Variants in HMGCL observed in about 807,000 individuals in gnomAD.
HMGCL encodes 3-hydroxy-3-methylglutaryl-CoA lyase, also known as hydroxymethylglutaryl-CoA lyase, mitochondrial.
Under a neutral mutation model 37.3 loss-of-function variants are expected in HMGCL, and 26 were observed. The ratio of observed to expected loss-of-function variants is 0.70; its 90% CI spans 0.51 to 0.97. The LOEUF (loss-of-function observed/expected upper bound fraction) is 0.97, where lower values mean the gene tolerates loss of function less well. Among genes scored for constraint, HMGCL ranks in the 50% least tolerant of loss-of-function variants. The probability of loss-of-function intolerance (pLI) is 0.00; values close to 1 mark genes in which losing one functional copy is unlikely to be tolerated. For synonymous variants in HMGCL, 151 were observed against 148.0 expected, an observed-to-expected ratio of 1.02 and a Z score of -0.15; for missense variants, 379 against 398.1, an observed-to-expected ratio of 0.95 and a Z score of 0.41.
At position 23,808,189 on chromosome 1, in the gene HMGCL, G is replaced by A; in HGVS notation, c.696C>T (p.Val232=). The A allele has an allele frequency of 6.2e-7, 1 of 1,614,100 alleles. No individual in the cohort carries two copies. The highest frequency in any genetic ancestry group is 8.5e-7 in the Non-Finnish European group (1 of 1,180,020). Residue 232 remains valine, a synonymous_variant, in exon 7 of 9, where the codon GTC becomes GTT. Transcript: ENST00000374490. ...CTTGACCATAGGTGTCATGGCAGTG[G>A]ACAGCCAGGGCAGCCAGAGGCACTT... ...MQEVPLAALA[V]HCHDTYGQAL... is the part of the protein sequence containing the mutation.
rs955224078 is a variant in HMGCL, at chr1:23,816,437, T to C, written c.348+238A>G. ...CTTGCTAAGCAATGTACATGCATCCTATCTTCTGAAATGCTCACAACTTCA... is the reference window on the plus strand; with the variant it reads ...CTTGCTAAGCAATGTACATGCATCCCATCTTCTGAAATGCTCACAACTTCA... On this transcript the variant is annotated intron_variant, in intron 4 of 8. Coordinates refer to ENST00000374490, the MANE Select transcript of HMGCL (RefSeq NM_000191.3). 21 of 576,436 alleles carry C rather than the reference T, an allele frequency of 3.6e-5. No individual in the cohort carries two copies. The Admixed American group carries it at 5.4e-4, about 15-fold the overall frequency. 35.7% of individuals were successfully genotyped at this position (576,436 alleles called of 1,614,324 possible). A position where few individuals can be genotyped will look rare whatever the true frequency, so the allele number is the denominator to read the frequency against.
chr1:23,802,306 C>G lies in HMGCL; in HGVS notation c.*157G>C. On this transcript the variant is annotated 3_prime_UTR_variant, in exon 9 of 9. Transcript: ENST00000374490. ...CTTCTGCCAAGCAGCTCCTCCTGCC[C>G]TTCGCCTGCTTTCTGCCAGGAGAGA... The G allele has an allele frequency of 1.5e-6, 1 of 672,976 alleles. No individual in the cohort carries two copies. Among genetic ancestry groups the G allele is most frequent in the Non-Finnish European group, 2.7e-6 (1 of 370,788 alleles). 41.7% of individuals were successfully genotyped at this position (672,976 alleles called of 1,614,324 possible).
intron 5 of HMGCL, among the ~76,000 whole-genome samples, chr1:23,812,272 G>A (rs1638532692): frequency 6.6e-6 from 1 of 152,218 alleles, no homozygotes. Flanking sequence ...CTGAAGGACT[G>A]GAGCAGCTTC....
chr1:23,811,439 G>A (rs1338786817), intron 5 of HMGCL, among the ~76,000 whole-genome samples: 1 of 152,246 alleles, frequency 6.6e-6, no homozygotes, highest in East Asian at 1.9e-4. Flanking sequence ...AACCAAGTAA[G>A]TAATGGAGAA....
At position 23,806,713 on chromosome 1, in the gene HMGCL, G is replaced by C. The variant is rs768446990; in HGVS notation, c.750+1422C>G. 5.7e-6 allele frequency: 2 copies of C among 350,582 alleles called. No individual in the cohort carries two copies. The highest frequency in any genetic ancestry group is 4.3e-5 in the African/African-American group (2 of 46,658). 21.7% of individuals were successfully genotyped at this position (350,582 alleles called of 1,614,324 possible). A position where few individuals can be genotyped will look rare whatever the true frequency, so the allele number is the denominator to read the frequency against. On this transcript the variant is annotated intron_variant, in intron 7 of 8. Transcript: ENST00000374490. The surrounding 1 kb of genome is among the most constrained non-coding windows in gnomAD (Gnocchi z 4.0). The stretch of plus-strand genomic sequence containing the variant: ...TTATTATCTGTCTCATAGTACTAGA[G>C]TGTCAGCCTCATGAGGGCAGAGACT...
At chr1:23,816,463 G>C (rs1302163286) in intron 4 of HMGCL, 18 of 628,246 alleles carry the variant, frequency 2.9e-5, no homozygotes, top group Non-Finnish European at 4.6e-5. Context: ...CACAACTTCA[G>C]GTACTATCAT....
chr1:23,822,409 T>C (rs1481404512), intron 1 of HMGCL, among the ~76,000 whole-genome samples: 1 of 152,224 alleles, frequency 6.6e-6, no homozygotes, highest in East Asian at 1.9e-4. Context: ...ACAATACTTT[T>C]TTTTTCCTCT....
intron 8 of HMGCL, 50 bp from the exon 9 acceptor site, chr1:23,802,614 AC>A: frequency 9.0e-7 from 1 of 1,112,116 alleles, no homozygotes; most frequent in Non-Finnish European, 1.4e-6. Context: ...TGCCCTCAAC[AC>A]CAGGGAAAAC....
In HMGCL at chr1:23,802,371, A is replaced by C. The variant is rs1232739771; in HGVS notation, c.*92T>G. The C allele has an allele frequency of 1.2e-6, 1 of 858,998 alleles. No individual in the cohort carries two copies. Among genetic ancestry groups the C allele is most frequent in the African/African-American group, 1.7e-5 (1 of 60,522 alleles). 53.2% of individuals were successfully genotyped at this position (858,998 alleles called of 1,614,324 possible). A position where few individuals can be genotyped will look rare whatever the true frequency, so the allele number is the denominator to read the frequency against. On this transcript the variant is annotated 3_prime_UTR_variant, in exon 9 of 9. Transcript: ENST00000374490. ...TGGCTATGAGGTACCTGCACCATTT[A>C]ACCTATTCTCATTTCCATGTCCCCA...
At position 23,825,381 on chromosome 1, in the gene HMGCL, A is replaced by T; in HGVS notation, c.35T>A (p.Leu12Gln). The change falls in exon 1 of 9, where the codon CTG becomes CAG. Residue 12 changes from leucine to glutamine, a missense_variant. Physicochemically the swap from Leu to Gln is moderately radical, Grantham distance 113. Coordinates refer to ENST00000374490, the MANE Select transcript of HMGCL (RefSeq NM_000191.3). ...AGCCCGGAGGGACGCCAAGCCCACC[A>T]GTCGCCGCGGAAGCGCCTTCCTCAT... ...AAMRKALPRR[L>Q]VGLASLRAVS... 1 of 1,562,074 alleles carries T rather than the reference A, an allele frequency of 6.4e-7. No individual in the cohort carries two copies. The highest frequency in any genetic ancestry group is 1.7e-4 in the Middle Eastern group (1 of 5,968).
intron 1 of HMGCL, among the ~76,000 whole-genome samples, chr1:23,822,917 T>C (rs1045371972): frequency 6.6e-5 from 10 of 152,188 alleles, no homozygotes; most frequent in Non-Finnish European, 1.3e-4. Flanking sequence ...GGCTCACGCC[T>C]GTAATCCCAG....
intron 7 of HMGCL, chr1:23,807,365 C>G: frequency 2.4e-6 from 1 of 423,480 alleles, no homozygotes; most frequent in East Asian, 6.3e-5. Flanking sequence ...CAGAACATAA[C>G]AGACTCACCT....
chr1:23,813,613 C>T (rs1410255493), intron 5 of HMGCL, among the ~76,000 whole-genome samples: 3 of 152,078 alleles, frequency 2.0e-5, no homozygotes, highest in Admixed American at 6.6e-5. Flanking sequence ...GTAGAGTATT[C>T]GCCCTTCCTG....
At chr1:23,805,758 T>C (rs1638397607) in intron 7 of HMGCL, among the ~76,000 whole-genome samples, 1 of 152,182 alleles carries the variant, frequency 6.6e-6, no homozygotes, top group Non-Finnish European at 1.5e-5. Flanking sequence ...CCCAGTTAAC[T>C]GCACCCAGGT....
chr1:23,813,233 T>G lies in HMGCL; in HGVS notation c.497+957A>C, dbSNP rs928094866. On this transcript the variant is annotated intron_variant, in intron 5 of 8. Coordinates refer to ENST00000374490, the MANE Select transcript of HMGCL (RefSeq NM_000191.3). ...CGATCATTCTGGCTGCAATGTTTTTTTTTTTTTTTTTTTTTTTTTGAGATG... is the reference window on the plus strand; with the variant it reads ...CGATCATTCTGGCTGCAATGTTTTTGTTTTTTTTTTTTTTTTTTTGAGATG... Among the ~76,000 whole-genome samples the G allele has an allele frequency of 1.1e-4, 16 of 143,710 alleles. No individual in the cohort carries two copies. In the East Asian group the frequency reaches 1.2e-3, roughly 11 times the overall value. The allele number at this position is 143,710 out of a possible 152,430, so 94.3% of individuals were successfully genotyped here.
rs369289041 is a variant in HMGCL, at chr1:23,810,727, T to C, written c.561+9A>G. On this transcript the variant is annotated intron_variant, in intron 6 of 8. Coordinates refer to ENST00000374490, the MANE Select transcript of HMGCL (RefSeq NM_000191.3). Reference sequence around the variant, plus strand: ...TCACCAAACCCCCCGCCCTGACACATGCACACACCTCAGCTACTTTAGCTG... The same window carrying C: ...TCACCAAACCCCCCGCCCTGACACACGCACACACCTCAGCTACTTTAGCTG... 1.2e-6 allele frequency: 2 copies of C among 1,613,536 alleles called. No homozygotes were observed. Among genetic ancestry groups the C allele is most frequent in the African/African-American group, 2.7e-5 (2 of 74,886 alleles).
intron 1 of HMGCL, among the ~76,000 whole-genome samples, chr1:23,821,598 G>A (rs557503042): frequency 6.6e-6 from 1 of 152,236 alleles, no homozygotes; most frequent in East Asian, 1.9e-4. Flanking sequence ...GGTTGAGCCT[G>A]CAGTGAGCTA....
At chr1:23,818,797 C>T (rs1205279970) in intron 2 of HMGCL, among the ~76,000 whole-genome samples, 2 of 151,860 alleles carry the variant, frequency 1.3e-5, no homozygotes, top group East Asian at 1.9e-4. Context: ...CTGCCTGCCT[C>T]AGCCTCCCAA....
At position 23,806,698 on chromosome 1, in the gene HMGCL, T is replaced by A; in HGVS notation, c.750+1437A>T. 3.0e-6 allele frequency: 1 copy of A among 331,930 alleles called. No individual in the cohort carries two copies. The highest frequency in any genetic ancestry group is 5.9e-6 in the Non-Finnish European group (1 of 168,568). The allele number at this position is 331,930 out of a possible 1,614,324, so 20.6% of individuals were successfully genotyped here. The stretch of plus-strand genomic sequence containing the variant: ...TGTATGTTTGTTTATTTATTATCTG[T>A]CTCATAGTACTAGAGTGTCAGCCTC... On this transcript the variant is annotated intron_variant, in intron 7 of 8. Transcript: ENST00000374490. The surrounding 1 kb of genome is among the most constrained non-coding windows in gnomAD (Gnocchi z 4.0).
Sources: gnomAD v4.1 joint callset for allele counts (sites outside exome capture counted in the v4.1 genomes callset) on GRCh38, gnomAD v4.1.1 for gene constraint, Gnocchi (gnomAD v3.1) non-coding constraint, MANE v1.5 for transcripts, NCBI Gene and HGNC (gene_info 2026-07-23, HGNC 2026-07-21) for gene names.